Variants in ARB2A observed in about 807,000 individuals in gnomAD.
ARB2A encodes the protein ARB2 cotranscriptional regulator A.
chr5:93,723,095 C>T, the ARB2A span, among the ~76,000 whole-genome samples: 3 of 152,002 alleles, frequency 2.0e-5, no homozygotes, highest in Non-Finnish European at 4.4e-5. Flanking sequence ...ATGAATTTGC[C>T]ATTCCCAAAG....
At chr5:94,034,227 G>A in the ARB2A span, among the ~76,000 whole-genome samples, 1 of 152,170 alleles carries the variant, frequency 6.6e-6, no homozygotes, top group Admixed American at 6.5e-5. Context: ...CGTATCTTAA[G>A]GTCAGCTATC....
chr5:94,068,750 A>T, the ARB2A span, among the ~76,000 whole-genome samples: 1 of 151,768 alleles, frequency 6.6e-6, no homozygotes, highest in South Asian at 2.1e-4. Context: ...TAGGCTTAGG[A>T]ATTCTTAGTA....
At chr5:94,046,320 T>C in the ARB2A span, among the ~76,000 whole-genome samples, 1 of 152,148 alleles carries the variant, frequency 6.6e-6, no homozygotes, top group South Asian at 2.1e-4. Flanking sequence ...TCACCAGACA[T>C]TCCCTACAGG....
chr5:93,863,512 T>TC, the ARB2A span: 1 of 151,996 alleles, frequency 6.6e-6, no homozygotes, highest in African/African-American at 2.4e-5. Flanking sequence ...CAAGTGATCC[T>TC]CCGGCCTCAG....
At chr5:94,059,784 C>T in the ARB2A span, among the ~76,000 whole-genome samples, 1 of 150,710 alleles carries the variant, frequency 6.6e-6, no homozygotes, top group Non-Finnish European at 1.5e-5. Flanking sequence ...TCTATGCCAA[C>T]CAAAAGCATC....
the ARB2A span, among the ~76,000 whole-genome samples, chr5:94,099,129 G>C: frequency 2.0e-5 from 3 of 152,128 alleles, no homozygotes; most frequent in Non-Finnish European, 4.4e-5. Context: ...CTCATTCTAT[G>C]GGGCCAGCAT....
chr5:93,986,000 A>G, the ARB2A span, among the ~76,000 whole-genome samples: 1 of 133,920 alleles, frequency 7.5e-6, no homozygotes, highest in African/African-American at 2.9e-5. Flanking sequence ...CTGGCCGCCT[A>G]TCGTCTGGGA....
At chr5:93,650,186 C>T in the ARB2A span, among the ~76,000 whole-genome samples, 1 of 148,194 alleles carries the variant, frequency 6.7e-6, no homozygotes, top group South Asian at 2.1e-4. Flanking sequence ...ACTACAGAAA[C>T]AGACTTGAAG....
At chr5:93,793,703 C>G in the ARB2A span, among the ~76,000 whole-genome samples, 1 of 151,972 alleles carries the variant, frequency 6.6e-6, no homozygotes, top group South Asian at 2.1e-4. Flanking sequence ...CAGGTTGGTT[C>G]CCTAGGAAAG....
chr5:93,999,360 T>G, the ARB2A span, among the ~76,000 whole-genome samples: 2 of 152,012 alleles, frequency 1.3e-5, no homozygotes, highest in Non-Finnish European at 2.9e-5. Context: ...GAAGCACTAG[T>G]TGTTCAGTAA....
the ARB2A span, among the ~76,000 whole-genome samples, chr5:93,876,111 A>T: frequency 6.6e-6 from 1 of 152,230 alleles, no homozygotes; most frequent in Non-Finnish European, 1.5e-5. Context: ...TTATACAAAA[A>T]TAAAATGTTT....
chr5:93,868,697 G>A, the ARB2A span, among the ~76,000 whole-genome samples: 1 of 152,250 alleles, frequency 6.6e-6, no homozygotes, highest in Non-Finnish European at 1.5e-5. Context: ...TGGGACTGAG[G>A]CAAAAATAAT....
chr5:93,871,579 T>A, the ARB2A span, among the ~76,000 whole-genome samples: 1 of 152,158 alleles, frequency 6.6e-6, no homozygotes, highest in East Asian at 1.9e-4. Flanking sequence ...GAAGACAACA[T>A]ATTATAAGAG....
At chr5:94,013,239 C>T in the ARB2A span, among the ~76,000 whole-genome samples, 1 of 143,232 alleles carries the variant, frequency 7.0e-6, no homozygotes, top group Admixed American at 7.3e-5. Flanking sequence ...AATGCAGTGG[C>T]GCAATCTCAG....
the ARB2A span, among the ~76,000 whole-genome samples, chr5:94,099,451 C>T: frequency 2.6e-5 from 4 of 151,456 alleles, no homozygotes; most frequent in Admixed American, 6.6e-5. Flanking sequence ...GGAGAAACCC[C>T]GCCTCTACTA....
the ARB2A span, among the ~76,000 whole-genome samples, chr5:93,707,542 C>T: frequency 5.3e-5 from 8 of 150,974 alleles, no homozygotes; most frequent in Admixed American, 4.6e-4. Context: ...TCTAGCTACA[C>T]TAAAAAGTTT....
the ARB2A span, among the ~76,000 whole-genome samples, chr5:93,830,346 T>C: frequency 1.4e-5 from 2 of 141,196 alleles, no homozygotes; most frequent in African/African-American, 2.6e-5. Flanking sequence ...TATATATATA[T>C]ATATATCCAC....
chr5:93,796,700 A>G, the ARB2A span, among the ~76,000 whole-genome samples: 2,898 of 152,294 alleles, frequency 0.019, 47 homozygotes, highest in Non-Finnish European at 0.029. Flanking sequence ...GGCTGTTTAA[A>G]TGAACACTTC....
the ARB2A span, among the ~76,000 whole-genome samples, chr5:93,914,621 A>G: frequency 2.6e-5 from 4 of 151,958 alleles, no homozygotes; most frequent in African/African-American, 7.2e-5. Flanking sequence ...AGAAATACAT[A>G]GAAGCAGAAT....
Sources: gnomAD v4.1 joint callset for allele counts (sites outside exome capture counted in the v4.1 genomes callset) on GRCh38, gnomAD v4.1.1 for gene constraint, MANE v1.5 for transcripts, NCBI Gene and HGNC (gene_info 2026-07-23, HGNC 2026-07-21) for gene names.